The following IL1RAPL2 variants were observed in gnomAD, a reference collection of about 807,000 sequenced individuals.
IL1RAPL2 encodes the protein interleukin 1 receptor accessory protein like 2.
Under a neutral mutation model 44.1 loss-of-function variants are expected in IL1RAPL2, and 3 were observed. The ratio of observed to expected loss-of-function variants is 0.07; its 90% CI spans 0.03 to 0.18. The LOEUF (loss-of-function observed/expected upper bound fraction) is 0.18, where lower values mean the gene tolerates loss of function less well. Among genes scored for constraint, IL1RAPL2 ranks in the 10% least tolerant of loss-of-function variants. The probability of loss-of-function intolerance (pLI) is 1.00; values close to 1 mark genes in which losing one functional copy is unlikely to be tolerated. For synonymous variants in IL1RAPL2, 181 were observed against 178.8 expected, an observed-to-expected ratio of 1.01 and a Z score of -0.10; for missense variants, 391 against 496.4, an observed-to-expected ratio of 0.79 and a Z score of 2.02.
chrX:105,459,455 G>A (rs2036078651), intron 5 of IL1RAPL2, among the ~76,000 whole-genome samples: 1 of 111,196 alleles, frequency 9.0e-6, no homozygotes, highest in Non-Finnish European at 1.9e-5. Context: ...CATTGTTCTT[G>A]TTCTCCTTTA....
chrX:105,221,620 C>A (rs2033965539), intron 3 of IL1RAPL2, among the ~76,000 whole-genome samples: 1 of 111,587 alleles, frequency 9.0e-6, no homozygotes, highest in Admixed American at 9.5e-5. Flanking sequence ...TTAGCTGGAG[C>A]CTGGCTAGTT....
intron 2 of IL1RAPL2, among the ~76,000 whole-genome samples, chrX:105,194,747 T>TCC (rs2033660472): frequency 5.4e-5 from 6 of 111,757 alleles, no homozygotes; most frequent in Non-Finnish European, 7.5e-5. Context: ...AATAATCACT[T>TCC]TAGGTGCCTA....
intron 6 of IL1RAPL2, among the ~76,000 whole-genome samples, chrX:105,631,404 C>T (rs1179321683): frequency 8.9e-6 from 1 of 111,898 alleles, no homozygotes; most frequent in African/African-American, 3.2e-5. Context: ...ACACCCCAAC[C>T]ATCCATCATC....
At chrX:104,971,706 C>T (rs2080314192) in intron 2 of IL1RAPL2, among the ~76,000 whole-genome samples, 1 of 110,934 alleles carries the variant, frequency 9.0e-6, no homozygotes, top group Admixed American at 9.6e-5. Flanking sequence ...TCAGTTAGGT[C>T]GTTTTAGGGT....
chrX:104,797,701 G>A (rs1438102729), intron 2 of IL1RAPL2, among the ~76,000 whole-genome samples: 1 of 111,976 alleles, frequency 8.9e-6, no homozygotes, highest in African/African-American at 3.2e-5. Context: ...AGATTGCTAT[G>A]CCAGACAACA....
intron 2 of IL1RAPL2, among the ~76,000 whole-genome samples, chrX:104,708,409 C>T (rs371797725): frequency 2.3e-4 from 25 of 110,754 alleles, no homozygotes; most frequent in African/African-American, 6.2e-4. Context: ...CTAATATTTG[C>T]GCTAGGCCCT....
intron 5 of IL1RAPL2, among the ~76,000 whole-genome samples, chrX:105,349,029 A>G (rs1202877705): frequency 8.9e-6 from 1 of 112,352 alleles, no homozygotes; most frequent in Admixed American, 9.4e-5. Flanking sequence ...CTTTTGGACA[A>G]TTGGACCAGT....
chrX:105,269,713 C>T (rs762886665), intron 5 of IL1RAPL2, among the ~76,000 whole-genome samples: 4 of 111,660 alleles, frequency 3.6e-5, no homozygotes, highest in South Asian at 7.5e-4. Context: ...ATGCACAAAG[C>T]GTCGCAGCAT....
intron 2 of IL1RAPL2, among the ~76,000 whole-genome samples, chrX:104,894,025 T>C (rs1363727424): frequency 9.0e-6 from 1 of 111,586 alleles, no homozygotes; most frequent in Non-Finnish European, 1.9e-5. Context: ...GTAAAGTATT[T>C]TATTTCTCCT....
intron 2 of IL1RAPL2, among the ~76,000 whole-genome samples, chrX:104,928,757 T>C (rs1337188700): frequency 1.8e-5 from 2 of 111,173 alleles, no homozygotes; most frequent in African/African-American, 6.5e-5. Context: ...TGTTACTTCG[T>C]AGAATAAGAA....
intron 1 of IL1RAPL2, among the ~76,000 whole-genome samples, chrX:104,638,417 A>G (rs1244757025): frequency 9.1e-6 from 1 of 110,463 alleles, no homozygotes; most frequent in Non-Finnish European, 1.9e-5. Flanking sequence ...TTTGGTTTGT[A>G]CTTTCTTTTC....
intron 2 of IL1RAPL2, among the ~76,000 whole-genome samples, chrX:104,767,053 G>T (rs1007392526): frequency 2.2e-4 from 25 of 111,769 alleles, no homozygotes; most frequent in African/African-American, 7.8e-4. Context: ...TCCTCCACAG[G>T]GTTCATGTAG....
At chrX:104,718,410 C>T (rs1931618035) in intron 2 of IL1RAPL2, among the ~76,000 whole-genome samples, 1 of 111,160 alleles carries the variant, frequency 9.0e-6, no homozygotes, top group African/African-American at 3.3e-5. Context: ...TGTCCCCACC[C>T]ATATGTCGAC....
intron 2 of IL1RAPL2, among the ~76,000 whole-genome samples, chrX:104,853,558 A>G (rs1328487233): frequency 1.8e-5 from 2 of 111,085 alleles, no homozygotes; most frequent in East Asian, 5.6e-4. Context: ...TACACAATGC[A>G]TGTGTTGTGA....
chrX:104,785,166 C>T (rs768153571), intron 2 of IL1RAPL2, among the ~76,000 whole-genome samples: 130 of 109,687 alleles, frequency 1.2e-3, no homozygotes, highest in Non-Finnish European at 2.2e-3. Flanking sequence ...CGTGCACTAC[C>T]ACACCTGGGT....
At chrX:105,062,883 G>C (rs962684369) in intron 2 of IL1RAPL2, among the ~76,000 whole-genome samples, 1 of 110,618 alleles carries the variant, frequency 9.0e-6, no homozygotes, top group African/African-American at 3.3e-5. Context: ...TTAACTTTTG[G>C]TAGTTTGATT....
chrX:104,908,995 T>C, intron 2 of IL1RAPL2, among the ~76,000 whole-genome samples: 1 of 110,616 alleles, frequency 9.0e-6, no homozygotes, highest in Non-Finnish European at 1.9e-5. Flanking sequence ...CAGACGTAGA[T>C]TTGGTCTTTT....
In IL1RAPL2 at chrX:105,509,066, C is replaced by T. The variant is rs764519839; in HGVS notation, c.772+24679C>T. Among the ~76,000 whole-genome samples the T allele has an allele frequency of 8.1e-5, 9 of 111,777 alleles. No individual in the cohort carries two copies. The South Asian group carries it at 3.3e-3, about 41-fold the overall frequency. The stretch of plus-strand genomic sequence containing the variant: ...GATATGTGTTAGGCACAATTCTAGG[C>T]ATTGGAGGTATAGCATTTAGAAAGA... On this transcript the variant is annotated intron_variant, in intron 6 of 10. Coordinates refer to ENST00000372582, the MANE Select transcript of IL1RAPL2 (RefSeq NM_017416.2).
At chrX:104,986,723 A>C (rs1471866569) in intron 2 of IL1RAPL2, among the ~76,000 whole-genome samples, 1 of 112,425 alleles carries the variant, frequency 8.9e-6, no homozygotes, top group Non-Finnish European at 1.9e-5. Flanking sequence ...ATTTAGATAG[A>C]ATTGCCACTT....
Sources: allele counts gnomAD v4.1 joint callset (sites outside exome capture counted in the v4.1 genomes callset), GRCh38; gene constraint gnomAD v4.1.1; transcripts MANE v1.5; gene names NCBI Gene and HGNC (gene_info 2026-07-23, HGNC 2026-07-21).